Variants in MBD5 observed in about 807,000 individuals in gnomAD.
The protein encoded by MBD5 is methyl-CpG-binding domain protein 5.
A neutral mutation model predicts 117.3 loss-of-function variants in MBD5; 13 were observed. That is an observed-to-expected ratio of 0.11 (90% CI 0.07 to 0.18). The LOEUF is 0.18. MBD5 is among the 10% of genes least tolerant of loss of function. The probability of loss-of-function intolerance (pLI) is 1.00; values close to 1 mark genes in which losing one functional copy is unlikely to be tolerated. For synonymous variants in MBD5, 727 were observed against 766.4 expected (o/e 0.95, Z 0.85); for missense variants, 1,879 against 2,093.8 (o/e 0.90, Z 2.00).
At chr2:148,068,238 C>A (rs1466192773) in intron 1 of MBD5, among the ~76,000 whole-genome samples, 3 of 152,150 alleles carry the variant, frequency 2.0e-5, no homozygotes, top group Non-Finnish European at 4.4e-5. Context: ...CTATGTGAAC[C>A]ACTACATGGA....
intron 3 of MBD5, among the ~76,000 whole-genome samples, chr2:148,287,872 G>A (rs1037240158): frequency 1.3e-5 from 2 of 152,098 alleles, no homozygotes; most frequent in Admixed American, 6.6e-5. Flanking sequence ...TTGAAACTCC[G>A]AGTTCTCAAC....
intron 1 of MBD5, among the ~76,000 whole-genome samples, chr2:148,029,227 CT>C (rs199956962): frequency 0.011 from 1,619 of 144,850 alleles, 29 homozygotes; most frequent in East Asian, 0.039. Context: ...TAAAATTAAG[CT>C]TTTTTTTTTT....
intron 3 of MBD5, among the ~76,000 whole-genome samples, chr2:148,254,987 T>A (rs937464951): frequency 1.1e-4 from 16 of 152,202 alleles, no homozygotes; most frequent in African/African-American, 3.9e-4. Context: ...TCTCCAGCCA[T>A]GTCCAGTTCT....
chr2:148,418,726 G>C (rs1421059640), intron 4 of MBD5, among the ~76,000 whole-genome samples: 1 of 152,078 alleles, frequency 6.6e-6, no homozygotes, highest in Non-Finnish European at 1.5e-5. Context: ...AGAAATTATA[G>C]ATGACACAAA....
rs1443120715 is a variant in MBD5 at position 148,489,820 on chromosome 2, G to A, written c.4188G>A (p.Gly1396=). The change falls in exon 11 of 14, where the codon GGG becomes GGA. Residue 1396 remains glycine, a synonymous_variant. Coordinates refer to ENST00000642680, the MANE Select transcript of MBD5 (RefSeq NM_001378120.1). The part of the protein sequence containing the change: ...DHDGRLRNSR[G]ARLPKNLDHG... ...ATGGTAGGCTGAGGAATTCAAGAGG[G>A]GCTCGGCTGCCCAAGAATCTAGACC... The A allele has an allele frequency of 2.5e-6, 4 of 1,614,112 alleles. No homozygotes were observed. Among genetic ancestry groups the A allele is most frequent in the Non-Finnish European group, 3.4e-6 (4 of 1,180,026 alleles).
At chr2:148,127,478 A>T (rs555988856) in intron 1 of MBD5, among the ~76,000 whole-genome samples, 72 of 152,304 alleles carry the variant, frequency 4.7e-4, no homozygotes, top group Middle Eastern at 3.4e-3. Context: ...AAGTGAGAAC[A>T]TGTGGTATTT....
intron 1 of MBD5, among the ~76,000 whole-genome samples, chr2:148,145,548 C>T (rs1315182828): frequency 6.6e-6 from 1 of 152,104 alleles, no homozygotes; most frequent in Non-Finnish European, 1.5e-5. Context: ...GGAATGCTTC[C>T]AGTTTTTGCC....
intron 3 of MBD5, among the ~76,000 whole-genome samples, chr2:148,300,141 G>A (rs950174610): frequency 9.2e-5 from 14 of 151,908 alleles, no homozygotes; most frequent in African/African-American, 3.1e-4. Flanking sequence ...TGTAACCTCC[G>A]CCTCCCAGGT....
chr2:148,459,448 A>G (rs1350721416), intron 5 of MBD5, among the ~76,000 whole-genome samples: 2 of 152,172 alleles, frequency 1.3e-5, no homozygotes, highest in Non-Finnish European at 2.9e-5. Context: ...TGTCAATGCT[A>G]TACATCTGTT....
At chr2:148,225,077 T>C (rs1016099979) in intron 2 of MBD5, among the ~76,000 whole-genome samples, 12 of 152,302 alleles carry the variant, frequency 7.9e-5, no homozygotes, top group African/African-American at 2.9e-4. Flanking sequence ...AGTTTCTTTA[T>C]TGGTAAGTAA....
At chr2:148,162,530 G>A (rs1202192304) in intron 1 of MBD5, among the ~76,000 whole-genome samples, 5 of 152,094 alleles carry the variant, frequency 3.3e-5, no homozygotes, top group Non-Finnish European at 1.5e-5. Context: ...ATTTATTTGA[G>A]ATTTAAAATA....
chr2:148,175,972 T>C (rs1698374916), intron 1 of MBD5, among the ~76,000 whole-genome samples: 1 of 152,184 alleles, frequency 6.6e-6, no homozygotes, highest in African/African-American at 2.4e-5. Flanking sequence ...ACAATGCCTG[T>C]TATCTGGAAA....
rs149586311 is a variant in MBD5, at chr2:148,092,236, C to A, written c.-925+70552C>A. Among the ~76,000 whole-genome samples the A allele has an allele frequency of 4.1e-4, 62 of 152,302 alleles. No individual in the cohort carries two copies. In the East Asian group the frequency reaches 9.8e-3, roughly 24 times the overall value. On this transcript the variant is annotated intron_variant, in intron 1 of 13. Transcript: ENST00000642680. ...GTGGGAATGTAAACTAGTACAACCA[C>A]TGTGGAAAACAGCGTGGAGATTCCT... is the stretch of plus-strand genomic sequence containing the variant.
chr2:148,382,785 C>T (rs1175361450), intron 4 of MBD5, among the ~76,000 whole-genome samples: 1 of 152,144 alleles, frequency 6.6e-6, no homozygotes, highest in Non-Finnish European at 1.5e-5. Context: ...CAAACTAGAA[C>T]TTGGGATTAA....
Position 148,489,931 on chromosome 2 carries a change from G to C in MBD5, c.4299G>C (p.Glu1433Asp). The part of the protein sequence containing the change: ...CHTSKKQWDG[E>D]QSPRGERNRW... ...CATCCAAAAAACAGTGGGACGGGGA[G>C]CAAAGCCCCAGAGGGGAGCGAAACA... The change falls in exon 11 of 14, where the codon GAG becomes GAC. Residue 1433 changes from glutamate to aspartate, a missense_variant. Physicochemically the swap from Glu to Asp is conservative, Grantham distance 45 (BLOSUM62 2). This residue lies in a region of MBD5 where 1,666 missense variants were observed against 1,792.2 expected (regional missense o/e 0.93). Coordinates refer to ENST00000642680, the MANE Select transcript of MBD5 (RefSeq NM_001378120.1). 1 of 1,614,064 alleles carries C rather than the reference G, an allele frequency of 6.2e-7. No individual in the cohort carries two copies. The highest frequency in any genetic ancestry group is 1.7e-5 in the Admixed American group (1 of 60,014).
chr2:148,188,209 A>G (rs968783818), intron 2 of MBD5, among the ~76,000 whole-genome samples: 4 of 152,220 alleles, frequency 2.6e-5, no homozygotes, highest in Non-Finnish European at 5.9e-5. Flanking sequence ...AATTTGAATG[A>G]ATTCTAGTCC....
intron 2 of MBD5, among the ~76,000 whole-genome samples, chr2:148,188,935 C>T (rs568160340): frequency 7.3e-5 from 11 of 151,694 alleles, no homozygotes; most frequent in Non-Finnish European, 1.2e-4. Flanking sequence ...CGAGACATTG[C>T]CTCACCTGGG....
chr2:148,312,650 C>T (rs917541002), intron 3 of MBD5, among the ~76,000 whole-genome samples: 1 of 152,078 alleles, frequency 6.6e-6, no homozygotes, highest in South Asian at 2.1e-4. Flanking sequence ...AGCCTACTTC[C>T]GTCAATTTGT....
In MBD5 at chr2:148,021,311, T is replaced by C; in HGVS notation, c.-1298T>C. On this transcript the variant is annotated 5_prime_UTR_variant, in exon 1 of 14. Coordinates refer to ENST00000642680, the MANE Select transcript of MBD5 (RefSeq NM_001378120.1). ...ATTGAGCCTGAGAGAGGAGAAGGAG[T>C]TTCTTCTTCTTCGAAAACCCCCATC... 2.8e-6 allele frequency: 1 copy of C among 360,134 alleles called. No individual in the cohort carries two copies. The highest frequency in any genetic ancestry group is 2.2e-5 in the African/African-American group (1 of 45,090). 22.3% of individuals were successfully genotyped at this position (360,134 alleles called of 1,614,324 possible). A position where few individuals can be genotyped will look rare whatever the true frequency, so the allele number is the denominator to read the frequency against.
Sources: allele counts gnomAD v4.1 joint callset (sites outside exome capture counted in the v4.1 genomes callset), GRCh38; gene constraint gnomAD v4.1.1; regional missense constraint gnomAD v4.1.1; transcripts MANE v1.5; gene names NCBI Gene and HGNC (gene_info 2026-07-23, HGNC 2026-07-21).